Variants in INPP5J observed in about 807,000 individuals in gnomAD.
INPP5J encodes inositol polyphosphate-5-phosphatase J.
In INPP5J, 75 loss-of-function variants were observed where a neutral mutation model predicts 86.6. That is an observed-to-expected ratio of 0.87 (90% CI 0.72 to 1.05). INPP5J has a LOEUF of 1.05. Among genes scored for constraint, INPP5J ranks in the 50% least tolerant of loss-of-function variants. INPP5J has a pLI of 0.00. For synonymous variants in INPP5J, 540 were observed against 550.0 expected (o/e 0.98, Z 0.25); for missense variants, 1,229 against 1,341.2 (o/e 0.92, Z 1.31).
rs1260425326 is a variant in INPP5J, at chr22:31,126,016, G to A, written c.1271+6G>A. The A allele has an allele frequency of 6.4e-7, 1 of 1,553,310 alleles. No individual in the cohort carries two copies. Among genetic ancestry groups the A allele is most frequent in the Non-Finnish European group, 8.7e-7 (1 of 1,149,528 alleles). ...AAGAGCGACCCCGGCTTCCGGTGAG[G>A]GGGCCCTCTCCCAAGAAAGGTGGCT... On this transcript the variant is annotated splice_donor_region_variant and intron_variant, in intron 2 of 12. Coordinates refer to ENST00000331075, the MANE Select transcript of INPP5J (RefSeq NM_001284285.2).
In INPP5J at chr22:31,126,963, G is replaced by C; in HGVS notation, c.1537G>C (p.Ala513Pro). Reference protein sequence around the residue: ...RMQGVILLLFAKYYHLPFLRD... With the variant: ...RMQGVILLLFPKYYHLPFLRD... Reference sequence around the variant, plus strand: ...GCAGGGTGTCATCCTGCTGCTGTTCGCCAAGTACTACCACCTGCCCTTCCT... The same window carrying C: ...GCAGGGTGTCATCCTGCTGCTGTTCCCCAAGTACTACCACCTGCCCTTCCT... Residue 513 changes from alanine to proline, a missense_variant, in exon 5 of 13, where the codon GCC becomes CCC. Physicochemically the swap from Ala to Pro is conservative, Grantham distance 27 (BLOSUM62 -1). Coordinates refer to ENST00000331075, the MANE Select transcript of INPP5J (RefSeq NM_001284285.2). 1 of 1,610,940 alleles carries C rather than the reference G, an allele frequency of 6.2e-7. No homozygotes were observed. The highest frequency in any genetic ancestry group is 8.5e-7 in the Non-Finnish European group (1 of 1,178,634).
rs368371344 is a variant in INPP5J, at chr22:31,133,965, C to A, written c.2567C>A (p.Thr856Asn). 3 of 1,613,392 alleles carry A rather than the reference C, an allele frequency of 1.9e-6. No individual in the cohort carries two copies. Among genetic ancestry groups the A allele is most frequent in the Non-Finnish European group, 8.5e-7 (1 of 1,179,874 alleles). ...LASSSTDSSGTSSEGEDDSTL... is the reference protein window; with the variant it reads ...LASSSTDSSGNSSEGEDDSTL... ...AGCAGCAGCACAGACAGCTCAGGCA[C>A]CAGCTCAGAGGGAGAGGATGACAGC... Residue 856 changes from threonine (T) to asparagine (N), a missense_variant, in exon 13 of 13, where the codon ACC becomes AAC. Thr to Asn is a moderately conservative substitution (Grantham distance 65). Transcript: ENST00000331075.
chr22:31,127,540 C>A lies in INPP5J; in HGVS notation c.1787+8C>A. On this transcript the variant is annotated splice_region_variant and intron_variant, in intron 6 of 12. Transcript: ENST00000331075. ...GGGCATCCTGGATCATGAGTATGGG[C>A]TGGGGTGGGGCCAAATAGAGCTTGG... 1 of 1,609,006 alleles carries A rather than the reference C, an allele frequency of 6.2e-7. No individual in the cohort carries two copies. Among genetic ancestry groups the A allele is most frequent in the South Asian group, 1.1e-5 (1 of 90,290 alleles).
At position 31,134,551 on chromosome 22, in the gene INPP5J, C is replaced by T. The variant is rs186696537; in HGVS notation, c.*132C>T. Reference sequence around the variant, plus strand: ...CTCTGTCCTGGCCAGGGGTGGACAACTGGGGTCCCCCAAAACTCAGTCCTG... The same window carrying T: ...CTCTGTCCTGGCCAGGGGTGGACAATTGGGGTCCCCCAAAACTCAGTCCTG... On this transcript the variant is annotated 3_prime_UTR_variant, in exon 13 of 13. Transcript: ENST00000331075. 3 of 953,870 alleles carry T rather than the reference C, an allele frequency of 3.1e-6. No individual in the cohort carries two copies. Among genetic ancestry groups the T allele is most frequent in the East Asian group, 2.9e-5 (1 of 34,004 alleles). The allele number at this position is 953,870 out of a possible 1,614,324, so 59.1% of individuals were successfully genotyped here. A position where few individuals can be genotyped will look rare whatever the true frequency, so the allele number is the denominator to read the frequency against.
rs1224700070 is a variant in INPP5J at position 31,125,607 on chromosome 22, A to G, written c.868A>G (p.Ser290Gly). The G allele has an allele frequency of 2.6e-6, 4 of 1,549,856 alleles. No individual in the cohort carries two copies. The African/African-American group carries it at 4.1e-5, about 16-fold the overall frequency. Residue 290 changes from serine (S) to glycine (G), a missense_variant, in exon 2 of 13, where the codon AGC (serine) becomes GGC (glycine). Transcript: ENST00000331075. Reference protein sequence around the residue: ...SFRARPEALHSSPEDPVLPRP... With the variant: ...SFRARPEALHGSPEDPVLPRP... ...CCGAGCCCGGCCTGAGGCCCTCCAC[A>G]GCAGCCCTGAGGATCCTGTTTTGCC...
In INPP5J at chr22:31,134,061, G is replaced by A. The variant is rs758407737; in HGVS notation, c.2663G>A (p.Ser888Asn). 6.3e-7 allele frequency: 1 copy of A among 1,579,212 alleles called. No individual in the cohort carries two copies. Among genetic ancestry groups the A allele is most frequent in the Admixed American group, 1.8e-5 (1 of 54,466 alleles). ...PGKSKRHRSR[S>N]PGLARFPGLA... ...AAGTCCAAGCGACACCGCAGCCGCAGCCCGGGACTGGCCAGGTTCCCTGGG... is the reference window on the plus strand; with the variant it reads ...AAGTCCAAGCGACACCGCAGCCGCAACCCGGGACTGGCCAGGTTCCCTGGG... The change falls in exon 13 of 13, where the codon AGC becomes AAC. Residue 888 changes from serine to asparagine, a missense_variant. By Grantham distance (46) the Ser-to-Asn change is conservative (BLOSUM62 1). Coordinates refer to ENST00000331075, the MANE Select transcript of INPP5J (RefSeq NM_001284285.2).
Position 31,128,071 on chromosome 22 carries a change from C to T in INPP5J, c.1899+9C>T. ...TCTGGGAGAAGGACCAGGTGGGGTCCTTGTCCCCAGAAGCACACAGAGCAT... is the reference window on the plus strand; with the variant it reads ...TCTGGGAGAAGGACCAGGTGGGGTCTTTGTCCCCAGAAGCACACAGAGCAT... On this transcript the variant is annotated intron_variant, in intron 7 of 12. Transcript: ENST00000331075. The T allele has an allele frequency of 6.3e-7, 1 of 1,588,378 alleles. No homozygotes were observed. The highest frequency in any genetic ancestry group is 8.6e-7 in the Non-Finnish European group (1 of 1,156,788).
intron 9 of INPP5J, 29 bp from the exon 10 acceptor site, chr22:31,133,069 G>T (rs1258686039): frequency 6.4e-7 from 1 of 1,553,528 alleles, no homozygotes; most frequent in South Asian, 1.2e-5. Flanking sequence ...CCCCTGATGT[G>T]GCCCCCTGCC....
intron 6 of INPP5J, 86 bp downstream of exon 6, chr22:31,127,618 G>C (rs1921625051): frequency 1.5e-6 from 2 of 1,368,520 alleles, no homozygotes; most frequent in South Asian, 1.4e-5. Context: ...CTTATGGAGA[G>C]AGGCAGGGCC....
chr22:31,122,913 A>G, upstream of INPP5J: 4 of 815,478 alleles, frequency 4.9e-6, no homozygotes, highest in Non-Finnish European at 7.2e-6. Context: ...CTGTGCCTTT[A>G]AATTCTCAGC....
At chr22:31,124,580 C>A (rs527237971) in intron 1 of INPP5J, among the ~76,000 whole-genome samples, 1 of 152,316 alleles carries the variant, frequency 6.6e-6, no homozygotes, top group East Asian at 1.9e-4. Context: ...TAGGTTCACA[C>A]TCTGCCTCAT....
In INPP5J at chr22:31,133,450, C is replaced by T. The variant is rs185492588; in HGVS notation, c.2376C>T (p.Ala792=). The change falls in exon 11 of 13, where the codon GCC becomes GCT. Residue 792 remains alanine (A), a synonymous_variant. Coordinates refer to ENST00000331075, the MANE Select transcript of INPP5J (RefSeq NM_001284285.2). ...HCKDYVAYVW[A]KHEDVDGNTY... is the part of the protein sequence containing the mutation. The stretch of plus-strand genomic sequence containing the variant: ...AGGACTATGTGGCTTATGTCTGGGC[C>T]AAACATGAAGATGTGGATGGGAATA... 2 of 1,613,866 alleles carry T rather than the reference C, an allele frequency of 1.2e-6. No individual in the cohort carries two copies. The highest frequency in any genetic ancestry group is 4.5e-5 in the East Asian group (2 of 44,876).
rs929840487 is a variant in INPP5J, at chr22:31,128,135, TC to T, written c.1899+75del. The T allele has an allele frequency of 2.1e-6, 3 of 1,444,914 alleles. No homozygotes were observed. The Admixed American group carries it at 5.6e-5, about 27-fold the overall frequency. The allele number at this position is 1,444,914 out of a possible 1,614,324, so 89.5% of individuals were successfully genotyped here. On this transcript the variant is annotated intron_variant, in intron 7 of 12. Transcript: ENST00000331075. Reference sequence around the variant, plus strand: ...CCTGTACCTTAGACTATGGTCCCTGTCCTCACCTGCCCCACCCCCTCCCTGG... The same window carrying T: ...CCTGTACCTTAGACTATGGTCCCTGTCTCACCTGCCCCACCCCCTCCCTGG...
At chr22:31,127,219 C>T in intron 5 of INPP5J, 138 bp from the exon 6 acceptor site, 1 of 862,898 alleles carries the variant, frequency 1.2e-6, no homozygotes, top group African/African-American at 1.7e-5. Context: ...TTTCTCTCCC[C>T]ACTGTGTCCC....
rs1422646400 is a variant in INPP5J, at chr22:31,125,285, C to T, written c.546C>T (p.Ala182=). The change falls in exon 2 of 13, where the codon GCC becomes GCT. Residue 182 remains alanine, a synonymous_variant. Transcript: ENST00000331075. ...ASVGPKPTLA[A]SGLSLALASE... ...TGGGACCCAAGCCAACACTGGCAGC[C>T]TCTGGCCTGAGCCTGGCCCTGGCTT... The T allele has an allele frequency of 1.9e-6, 3 of 1,550,580 alleles. No homozygotes were observed. Among genetic ancestry groups the T allele is most frequent in the South Asian group, 1.2e-5 (1 of 84,064 alleles).
Position 31,125,277 on chromosome 22 carries a change from C to T in INPP5J, c.538C>T (p.Leu180=), listed in dbSNP as rs1921262807. The T allele has an allele frequency of 6.4e-7, 1 of 1,550,436 alleles. No individual in the cohort carries two copies. Among genetic ancestry groups the T allele is most frequent in the Admixed American group, 2.0e-5 (1 of 50,990 alleles). The change falls in exon 2 of 13, where the codon CTG becomes TTG. Residue 180 remains leucine (L), a synonymous_variant. Transcript: ENST00000331075. ...PPASVGPKPT[L]AASGLSLALA... ...TGCCTCCGTGGGACCCAAGCCAACACTGGCAGCCTCTGGCCTGAGCCTGGC... is the reference window on the plus strand; with the variant it reads ...TGCCTCCGTGGGACCCAAGCCAACATTGGCAGCCTCTGGCCTGAGCCTGGC...
chr22:31,126,791 T>C (rs1921506480), intron 4 of INPP5J, 70 bp downstream of exon 4: 2 of 1,490,772 alleles, frequency 1.3e-6, no homozygotes, highest in Non-Finnish European at 1.9e-6. Context: ...GTACCCTGGC[T>C]CACTGTGGGG....
chr22:31,125,780 A>G lies in INPP5J; in HGVS notation c.1041A>G (p.Ser347=). The part of the protein sequence containing the change: ...VPPPLPKPPR[S]PSRSPSHSPN... ...CACCTCTGCCCAAGCCACCCCGATCACCCAGCCGTTCCCCAAGCCACTCCC... is the reference window on the plus strand; with the variant it reads ...CACCTCTGCCCAAGCCACCCCGATCGCCCAGCCGTTCCCCAAGCCACTCCC... The change falls in exon 2 of 13, where the codon TCA becomes TCG. Residue 347 remains serine (S), a synonymous_variant. Transcript: ENST00000331075. The G allele has an allele frequency of 6.4e-7, 1 of 1,552,126 alleles. No homozygotes were observed. Among genetic ancestry groups the G allele is most frequent in the African/African-American group, 1.4e-5 (1 of 72,808 alleles).
chr22:31,125,995 G>A lies in INPP5J; in HGVS notation c.1256G>A (p.Ser419Asn), dbSNP rs937344609. Residue 419 changes from serine (S) to asparagine (N), a missense_variant, in exon 2 of 13, where the codon AGC becomes AAC. By Grantham distance (46) the Ser-to-Asn change is conservative. Transcript: ENST00000331075. ...SPWSAQPTWK[S>N]DPGFRITVVT... ...TGGTCAGCTCAGCCTACCTGGAAGA[G>A]CGACCCCGGCTTCCGGTGAGGGGGC... 7 of 1,574,634 alleles carry A rather than the reference G, an allele frequency of 4.4e-6. No individual in the cohort carries two copies. The Admixed American group carries it at 8.8e-5, about 20-fold the overall frequency.
Sources: allele counts gnomAD v4.1 joint callset (sites outside exome capture counted in the v4.1 genomes callset), GRCh38; gene constraint gnomAD v4.1.1; transcripts MANE v1.5; gene names NCBI Gene and HGNC (gene_info 2026-07-23, HGNC 2026-07-21).